Variants in KPNA4 observed in about 807,000 individuals in gnomAD.
The protein encoded by KPNA4 is karyopherin subunit alpha 4.
A neutral mutation model predicts 71.3 loss-of-function variants in KPNA4; 13 were observed. The observed-to-expected ratio is 0.18, with a 90% CI of 0.12 to 0.29. KPNA4 has a LOEUF of 0.29. Ranked by LOEUF, KPNA4 falls within the 10% of genes least tolerant of loss-of-function variation. KPNA4 has a pLI of 1.00. For synonymous variants in KPNA4, 189 were observed against 195.2 expected (o/e 0.97, Z 0.26); for missense variants, 334 against 603.2 (o/e 0.55, Z 4.67).
chr3:160,532,538 C>T (rs912201289), intron 5 of KPNA4, among the ~76,000 whole-genome samples: 6 of 152,166 alleles, frequency 3.9e-5, no homozygotes, highest in African/African-American at 1.4e-4. Context: ...CATCACTGCT[C>T]TCATGGAGCT....
At chr3:160,535,969 A>T (rs1721685376) in intron 2 of KPNA4, 72 bp from the exon 3 acceptor site, 1 of 1,089,840 alleles carries the variant, frequency 9.2e-7, no homozygotes, top group Admixed American at 4.1e-5. Flanking sequence ...GAATACTTTC[A>T]TACAAAGCTC....
intron 15 of KPNA4, 50 bp downstream of exon 15, chr3:160,508,057 G>T: frequency 7.1e-7 from 1 of 1,412,238 alleles, no homozygotes; most frequent in Non-Finnish European, 9.7e-7. Flanking sequence ...AATAAAGGTA[G>T]TTACAAAGAG....
At chr3:160,536,955 A>G (rs1328280221) in intron 1 of KPNA4, 115 bp from the exon 2 acceptor site, 3 of 492,054 alleles carry the variant, frequency 6.1e-6, no homozygotes, top group African/African-American at 2.0e-5. Context: ...AGCCATATGG[A>G]TATAAAGTCA....
At chr3:160,544,322 G>A (rs1022620005) in intron 1 of KPNA4, among the ~76,000 whole-genome samples, 2 of 152,196 alleles carry the variant, frequency 1.3e-5, no homozygotes, top group African/African-American at 4.8e-5. Flanking sequence ...CCTTCTCAGG[G>A]TTGGGAAACA....
chr3:160,523,738 C>G (rs772513500), intron 10 of KPNA4, among the ~76,000 whole-genome samples: 18 of 152,038 alleles, frequency 1.2e-4, no homozygotes, highest in Non-Finnish European at 2.2e-4. Context: ...GTAAACCCAG[C>G]TACTCGGGAG....
In KPNA4 at chr3:160,515,266, G is replaced by A. The variant is rs764358513; in HGVS notation, c.1032+186C>T. On this transcript the variant is annotated intron_variant, in intron 12 of 16. Coordinates refer to ENST00000334256, the MANE Select transcript of KPNA4 (RefSeq NM_002268.5). ...AGCCAAAATTGCACTTTTCATAACT[G>A]GTTTTATGTATGAAAAAATTATTAA... is the stretch of plus-strand genomic sequence containing the variant. The A allele has an allele frequency of 3.4e-5, 22 of 656,520 alleles. No homozygotes were observed. In the South Asian group the frequency reaches 3.6e-4, roughly 11 times the overall value. The allele number at this position is 656,520 out of a possible 1,614,324, so 40.7% of individuals were successfully genotyped here.
Position 160,527,981 on chromosome 3 carries a change from T to C in KPNA4, c.528A>G (p.Gln176=). The stretch of plus-strand genomic sequence containing the variant: ...TGATATTTCCCAATGCCCACACTGC[T>C]TGCTCACAGACATTCTGATGGGGTG... ...LHSPHQNVCE[Q]AVWALGNIIG... is the part of the protein sequence containing the mutation. Residue 176 remains glutamine, a synonymous_variant, in exon 8 of 17, where the codon CAA becomes CAG. Transcript: ENST00000334256. 6.2e-7 allele frequency: 1 copy of C among 1,612,628 alleles called. No homozygotes were observed.
At position 160,498,685 on chromosome 3, in the gene KPNA4, T is replaced by C. The variant is rs1355628706; in HGVS notation, c.*3419A>G. The C allele has an allele frequency of 2.0e-5, 3 of 152,210 alleles. No homozygotes were observed. The highest frequency in any genetic ancestry group is 2.1e-4 in the South Asian group (1 of 4,832). 9.4% of individuals were successfully genotyped at this position (152,210 alleles called of 1,614,324 possible). A position where few individuals can be genotyped will look rare whatever the true frequency, so the allele number is the denominator to read the frequency against. Reference sequence around the variant, plus strand: ...GAAGAAGTTCCCATGATTTCTTCAGTTGCTAGGCAATGGATTTTGCCATAT... The same window carrying C: ...GAAGAAGTTCCCATGATTTCTTCAGCTGCTAGGCAATGGATTTTGCCATAT... On this transcript the variant is annotated 3_prime_UTR_variant, in exon 17 of 17. Coordinates refer to ENST00000334256, the MANE Select transcript of KPNA4 (RefSeq NM_002268.5).
chr3:160,535,822 C>G lies in KPNA4; in HGVS notation c.190G>C (p.Gly64Arg). ...CAATGACTTACCACTCTATAATCAC[C>G]ATCTATATCAGAGTCTTCACAGATA... ...EDICEDSDID[G>R]DYRVQNTSLE... is the part of the protein sequence containing the mutation. Residue 64 changes from glycine (G) to arginine (R), a missense_variant, in exon 3 of 17, where the codon GGT becomes CGT. Coordinates refer to ENST00000334256, the MANE Select transcript of KPNA4 (RefSeq NM_002268.5). 7.0e-7 allele frequency: 1 copy of G among 1,427,260 alleles called. No homozygotes were observed. The highest frequency in any genetic ancestry group is 2.8e-5 in the East Asian group (1 of 36,008). 88.4% of individuals were successfully genotyped at this position (1,427,260 alleles called of 1,614,324 possible).
In KPNA4 at chr3:160,501,005, A is replaced by C. The variant is rs1310666812; in HGVS notation, c.*1099T>G. ...AGATTTACCTCATGCAAAGATCTTT[A>C]TGTTATCTCTGAAAATGAAAAGGAT... On this transcript the variant is annotated 3_prime_UTR_variant, in exon 17 of 17. Coordinates refer to ENST00000334256, the MANE Select transcript of KPNA4 (RefSeq NM_002268.5). The C allele has an allele frequency of 6.6e-6, 1 of 152,574 alleles. No individual in the cohort carries two copies. The highest frequency in any genetic ancestry group is 2.4e-5 in the African/African-American group (1 of 41,452). 9.5% of individuals were successfully genotyped at this position (152,574 alleles called of 1,614,324 possible). A position where few individuals can be genotyped will look rare whatever the true frequency, so the allele number is the denominator to read the frequency against.
Position 160,562,930 on chromosome 3 carries a change from A to G in KPNA4, c.69+2284T>C, listed in dbSNP as rs190751555. Among the ~76,000 whole-genome samples, 184 of 152,362 alleles carry G rather than the reference A, an allele frequency of 1.2e-3. 1 individual carries two copies. Among genetic ancestry groups the G allele is most frequent in the Admixed American group, 3.3e-3 (51 of 15,308 alleles). ...GCCAAAAGATATGAGGTAGGAGGAAACATCAATTTAAAAAATAAGGATAAC... is the reference window on the plus strand; with the variant it reads ...GCCAAAAGATATGAGGTAGGAGGAAGCATCAATTTAAAAAATAAGGATAAC... On this transcript the variant is annotated intron_variant, in intron 1 of 16. Coordinates refer to ENST00000334256, the MANE Select transcript of KPNA4 (RefSeq NM_002268.5).
chr3:160,503,547 C>T (rs1720922665), intron 16 of KPNA4, among the ~76,000 whole-genome samples: 1 of 152,058 alleles, frequency 6.6e-6, no homozygotes, highest in African/African-American at 2.4e-5. Context: ...TTATTATATA[C>T]ATTATTCTAT....
At chr3:160,553,849 G>A (rs1722086376) in intron 1 of KPNA4, among the ~76,000 whole-genome samples, 1 of 152,220 alleles carries the variant, frequency 6.6e-6, no homozygotes, top group Non-Finnish European at 1.5e-5. Flanking sequence ...AACTTAAGGT[G>A]TAATACTCAT....
chr3:160,565,554 G>T lies in KPNA4; in HGVS notation c.-272C>A, dbSNP rs547490903. 4.7e-5 allele frequency: 25 copies of T among 529,030 alleles called. No homozygotes were observed. The South Asian group carries it at 6.3e-4, about 13-fold the overall frequency. The allele number at this position is 529,030 out of a possible 1,614,324, so 32.8% of individuals were successfully genotyped here. ...ACGGAATGTGCTGCCGGCTGAGAGGGGGAGGCAGCCTCGATCTGAGGGCCC... is the reference window on the plus strand; with the variant it reads ...ACGGAATGTGCTGCCGGCTGAGAGGTGGAGGCAGCCTCGATCTGAGGGCCC... On this transcript the variant is annotated 5_prime_UTR_variant, in exon 1 of 17. Transcript: ENST00000334256.
rs1451953662 is a variant in KPNA4, at chr3:160,497,534, C to G, written c.*4570G>C. The stretch of plus-strand genomic sequence containing the variant: ...TTTAAAAGCATACTTTATTAATGTG[C>G]TTATTAAAAAGTTTAGGGAAAACTT... On this transcript the variant is annotated 3_prime_UTR_variant, in exon 17 of 17. Transcript: ENST00000334256. 1 of 152,118 alleles carries G rather than the reference C, an allele frequency of 6.6e-6. No homozygotes were observed. Among genetic ancestry groups the G allele is most frequent in the Non-Finnish European group, 1.5e-5 (1 of 68,026 alleles). 9.4% of individuals were successfully genotyped at this position (152,118 alleles called of 1,614,324 possible). A position where few individuals can be genotyped will look rare whatever the true frequency, so the allele number is the denominator to read the frequency against.
intron 12 of KPNA4, among the ~76,000 whole-genome samples, chr3:160,514,704 A>G (rs1490567639): frequency 6.6e-6 from 1 of 152,202 alleles, no homozygotes; most frequent in Non-Finnish European, 1.5e-5. Context: ...ATAGTCATTC[A>G]CTGCATAATT....
intron 13 of KPNA4, among the ~76,000 whole-genome samples, chr3:160,513,421 A>T (rs1371808366): frequency 1.3e-5 from 2 of 151,304 alleles, no homozygotes; most frequent in African/African-American, 2.4e-5. Flanking sequence ...ACACCAAACT[A>T]ATTTCTTTTT....
Position 160,517,163 on chromosome 3 carries a change from C to T in KPNA4, c.904-1583G>A, listed in dbSNP as rs529849902. 3.9e-5 allele frequency among the ~76,000 whole-genome samples: 6 copies of T among 152,116 alleles called. No individual in the cohort carries two copies. The South Asian group carries it at 1.0e-3, about 26-fold the overall frequency. The stretch of plus-strand genomic sequence containing the variant: ...CCCTAGGTCCCTGGAAGACACTATG[C>T]CTGTCTCTAAGATTTTGGCTATCTT... On this transcript the variant is annotated intron_variant, in intron 11 of 16. Coordinates refer to ENST00000334256, the MANE Select transcript of KPNA4 (RefSeq NM_002268.5).
chr3:160,508,587 AGGAGGCTGTTAAT>A (rs139377982), intron 14 of KPNA4, among the ~76,000 whole-genome samples: 6,256 of 152,220 alleles, frequency 0.041, 213 homozygotes, highest in Middle Eastern at 0.078. Flanking sequence ...AAATCAGTTA[AGGAGGCTGTTAAT>A]GGAGGCTGTA....
Sources: gnomAD v4.1 joint callset for allele counts (sites outside exome capture counted in the v4.1 genomes callset) on GRCh38, gnomAD v4.1.1 for gene constraint, MANE v1.5 for transcripts, NCBI Gene and HGNC (gene_info 2026-07-23, HGNC 2026-07-21) for gene names.